Variants in CSGALNACT1 observed in about 807,000 individuals in gnomAD.
The protein encoded by CSGALNACT1 is beta4GalNAcT-1.
In CSGALNACT1, 52 loss-of-function variants were observed where a neutral mutation model predicts 51.0. The observed-to-expected ratio is 1.02, with a 90% CI of 0.82 to 1.29. The LOEUF (loss-of-function observed/expected upper bound fraction) is 1.29, where lower values mean the gene tolerates loss of function less well. Ranked by LOEUF, CSGALNACT1 falls within the 50% of genes most tolerant of loss-of-function variation. The pLI is 0.00. For synonymous variants in CSGALNACT1, 341 were observed against 254.4 expected (o/e 1.34, Z -3.24); for missense variants, 935 against 679.2 (o/e 1.38, Z -4.19).
rs1254047391 is a variant in CSGALNACT1 at position 19,736,811 on chromosome 8, C to T, written c.-297+21039G>A. 3.9e-5 allele frequency among the ~76,000 whole-genome samples: 6 copies of T among 151,980 alleles called. 1 individual carries two copies. The South Asian group carries it at 1.2e-3, about 31-fold the overall frequency. The stretch of plus-strand genomic sequence containing the variant: ...ATCTCACTAGAGTTCCAGAAGGAAA[C>T]ACCAGAAACATTGGGGAAAGAGGTT... On this transcript the variant is annotated intron_variant, in intron 1 of 1. Coordinates refer to the CSGALNACT1 transcript ENST00000517494.
At chr8:19,414,956 A>G (rs2056576654) in intron 8 of CSGALNACT1, among the ~76,000 whole-genome samples, 2 of 152,192 alleles carry the variant, frequency 1.3e-5, no homozygotes, top group South Asian at 4.1e-4. Flanking sequence ...TTAATTTTAC[A>G]TCTTCTCCCC....
At chr8:19,544,167 T>C (rs777230838) in intron 3 of CSGALNACT1, among the ~76,000 whole-genome samples, 11 of 152,152 alleles carry the variant, frequency 7.2e-5, no homozygotes, top group Non-Finnish European at 7.3e-5. Context: ...TGTCAAACTA[T>C]AGATTTAGAC....
intron 6 of CSGALNACT1, among the ~76,000 whole-genome samples, chr8:19,428,413 A>T (rs977616832): frequency 6.6e-6 from 1 of 152,054 alleles, no homozygotes; most frequent in African/African-American, 2.4e-5. Flanking sequence ...AGCAAAAGAG[A>T]TCTCCCCTTG....
At chr8:19,548,218 T>C (rs773183836) in intron 3 of CSGALNACT1, among the ~76,000 whole-genome samples, 15 of 152,252 alleles carry the variant, frequency 9.9e-5, no homozygotes, top group Non-Finnish European at 1.9e-4. Context: ...ATAGCAAATC[T>C]GAATTCTAAT....
intron 6 of CSGALNACT1, among the ~76,000 whole-genome samples, chr8:19,427,457 C>G (rs1213004091): frequency 6.6e-6 from 1 of 152,208 alleles, no homozygotes; most frequent in Non-Finnish European, 1.5e-5. Flanking sequence ...ATTCAAACAT[C>G]TGGCATGAGG....
chr8:19,739,057 A>G (rs2064153359), intron 1 of CSGALNACT1, among the ~76,000 whole-genome samples: 1 of 152,078 alleles, frequency 6.6e-6, no homozygotes, highest in African/African-American at 2.4e-5. Flanking sequence ...ATTTTTAAAG[A>G]ATGATAATTT....
In CSGALNACT1 at chr8:19,621,592, C is replaced by T. The variant is rs143757712; in HGVS notation, c.-543-19727G>A. 9.0e-3 allele frequency among the ~76,000 whole-genome samples: 1,367 copies of T among 152,156 alleles called. 6 individuals are homozygous for T. The highest frequency in any genetic ancestry group is 0.013 in the Non-Finnish European group (855 of 68,008). On this transcript the variant is annotated intron_variant, in intron 1 of 9. Transcript: ENST00000332246. ...AGGAGTTCAAGACCAGCCTGGGCAACGTGGCAAGACCCAGTCTCTACAAAA... is the reference window on the plus strand; with the variant it reads ...AGGAGTTCAAGACCAGCCTGGGCAATGTGGCAAGACCCAGTCTCTACAAAA...
In CSGALNACT1 at chr8:19,598,057, G is replaced by A. The variant is rs903308616; in HGVS notation, c.-416+3714C>T. On this transcript the variant is annotated intron_variant, in intron 2 of 9. Coordinates refer to ENST00000454498, the Ensembl canonical transcript of CSGALNACT1. ...GGAGTGAGAATCTGGAGGGTCAAGA[G>A]GAAGGGGAAGGCACTGCAGATATGG... Among the ~76,000 whole-genome samples, 104 of 152,214 alleles carry A rather than the reference G, an allele frequency of 6.8e-4. 2 individuals are homozygous for A. Among genetic ancestry groups the A allele is most frequent in the South Asian group, 4.1e-4 (2 of 4,834 alleles).
chr8:19,493,118 G>GA (rs1394864663), intron 4 of CSGALNACT1, among the ~76,000 whole-genome samples: 22 of 150,296 alleles, frequency 1.5e-4, no homozygotes, highest in African/African-American at 4.9e-4. Flanking sequence ...ACACTTTTGT[G>GA]AAATGTCTAT....
At chr8:19,486,452 C>G (rs1226795129) in intron 4 of CSGALNACT1, among the ~76,000 whole-genome samples, 2 of 152,186 alleles carry the variant, frequency 1.3e-5, no homozygotes, top group Non-Finnish European at 2.9e-5. Context: ...ATGAGGCTCA[C>G]ATGACATGCC....
intron 1 of CSGALNACT1, among the ~76,000 whole-genome samples, chr8:19,717,963 T>C (rs2062905831): frequency 6.6e-6 from 1 of 152,134 alleles, no homozygotes. Flanking sequence ...AGATGCCCTA[T>C]AACTACCCCT....
At chr8:19,628,790 A>G (rs568896960) in intron 1 of CSGALNACT1, among the ~76,000 whole-genome samples, 1 of 152,226 alleles carries the variant, frequency 6.6e-6, no homozygotes, top group East Asian at 1.9e-4. Context: ...CCAATAAGCA[A>G]TATTTTTTAA....
At chr8:19,463,629 A>G (rs1563540873) in intron 4 of CSGALNACT1, among the ~76,000 whole-genome samples, 2 of 152,248 alleles carry the variant, frequency 1.3e-5, no homozygotes. Flanking sequence ...CTTCCTTGTC[A>G]TCTTGTGCAG....
chr8:19,417,522 G>A (rs556383272), intron 8 of CSGALNACT1, among the ~76,000 whole-genome samples: 1 of 152,308 alleles, frequency 6.6e-6, no homozygotes, highest in African/African-American at 2.4e-5. Context: ...CAGAACATGG[G>A]TTTTGGATGG....
intron 5 of CSGALNACT1, among the ~76,000 whole-genome samples, chr8:19,441,957 A>C (rs1434007054): frequency 6.6e-6 from 1 of 152,264 alleles, no homozygotes; most frequent in African/African-American, 2.4e-5. Context: ...AGCCAAAAAC[A>C]CATGAAAAAA....
At chr8:19,547,843 C>A (rs1007145868) in intron 3 of CSGALNACT1, among the ~76,000 whole-genome samples, 1 of 152,098 alleles carries the variant, frequency 6.6e-6, no homozygotes, top group African/African-American at 2.4e-5. Flanking sequence ...GAAAGAGTAA[C>A]ATTTACATAA....
rs59549163 is a variant in CSGALNACT1 at position 19,729,291 on chromosome 8, T to G, written c.-297+28559A>C. On this transcript the variant is annotated intron_variant, in intron 1 of 1. Coordinates refer to the CSGALNACT1 transcript ENST00000517494. ...ATACTTGCTTATTCATTTGTTTGTT[T>G]GCTTGCTTACTTGTTAAGTGATTGC... 6.7e-3 allele frequency among the ~76,000 whole-genome samples: 1,020 copies of G among 152,334 alleles called. 28 individuals are homozygous for G. Among genetic ancestry groups the G allele is most frequent in the East Asian group, 0.054 (279 of 5,182 alleles).
chr8:19,525,410 C>T (rs1008986027), intron 3 of CSGALNACT1, among the ~76,000 whole-genome samples: 26 of 151,424 alleles, frequency 1.7e-4, no homozygotes, highest in Non-Finnish European at 4.4e-5. Context: ...TCAAGACCAG[C>T]CTGGCTAACA....
intron 1 of CSGALNACT1, among the ~76,000 whole-genome samples, chr8:19,655,646 C>T (rs1434113604): frequency 6.6e-6 from 1 of 152,024 alleles, no homozygotes; most frequent in East Asian, 1.9e-4. Context: ...GTCTCAAACT[C>T]CTGTCCTCAA....
Sources: gnomAD v4.1 joint callset for allele counts (sites outside exome capture counted in the v4.1 genomes callset) on GRCh38, gnomAD v4.1.1 for gene constraint, MANE v1.5 for transcripts, NCBI Gene and HGNC (gene_info 2026-07-23, HGNC 2026-07-21) for gene names.